Variants in CACNA1B observed in about 807,000 individuals in gnomAD.
CACNA1B encodes the protein calcium voltage-gated channel subunit alpha1 B.
A neutral mutation model predicts 247.2 loss-of-function variants in CACNA1B; 70 were observed. That is an observed-to-expected ratio of 0.28 (90% CI 0.23 to 0.35). The LOEUF is 0.35. Ranked by LOEUF, CACNA1B falls within the 10% of genes least tolerant of loss-of-function variation. The pLI, the probability that CACNA1B is intolerant of heterozygous loss-of-function variation, is 1.00. For synonymous variants in CACNA1B, 1,231 were observed against 1,294.4 expected (o/e 0.95, Z 1.05); for missense variants, 2,367 against 3,197.4 (o/e 0.74, Z 6.26).
intron 3 of CACNA1B, among the ~76,000 whole-genome samples, chr9:137,912,473 G>A (rs762895498): frequency 6.6e-6 from 1 of 152,220 alleles, no homozygotes; most frequent in Non-Finnish European, 1.5e-5. Flanking sequence ...AAGCTAATGA[G>A]AGAGCTCAAG....
Position 137,984,177 on chromosome 9 carries a change from A to T in CACNA1B, c.1696A>T (p.Ile566Phe). 6.2e-7 allele frequency: 1 copy of T among 1,604,398 alleles called. No homozygotes were observed. Among genetic ancestry groups the T allele is most frequent in the Non-Finnish European group, 8.5e-7 (1 of 1,175,898 alleles). ...CGTCTTTGAAGTGGTCTGGGCGGCC[A>T]TCAAGCCGGGAAGCTCCTTTGGGAT... ...GSVFEVVWAA[I>F]KPGSSFGISV... The change falls in exon 13 of 47, where the codon ATC (isoleucine) becomes TTC (phenylalanine). Residue 566 changes from isoleucine to phenylalanine, a missense_variant. Ile to Phe is a conservative substitution (Grantham distance 21). Around this residue, in one of 12 missense-constraint regions of CACNA1B, gnomAD observed 219 missense variants for 297.6 expected, o/e 0.74. Coordinates refer to ENST00000371372, the MANE Select transcript of CACNA1B (RefSeq NM_000718.4).
chr9:137,956,958 T>G, intron 9 of CACNA1B, 131 bp downstream of exon 9: 2 of 720,670 alleles, frequency 2.8e-6, no homozygotes, highest in Non-Finnish European at 4.9e-6. Context: ...AGCCATCACA[T>G]GAACACAGAC....
chr9:138,083,512 G>T (rs62580956), intron 36 of CACNA1B, among the ~76,000 whole-genome samples: 1 of 150,280 alleles, frequency 6.7e-6, no homozygotes, highest in Non-Finnish European at 1.5e-5. Flanking sequence ...GAAATGGTGC[G>T]TTGGCCACCC....
chr9:137,897,915 T>C (rs1957190495), intron 3 of CACNA1B, among the ~76,000 whole-genome samples: 1 of 152,210 alleles, frequency 6.6e-6, no homozygotes, highest in East Asian at 1.9e-4. Flanking sequence ...ACTCTTTCCA[T>C]TTTTCTATCT....
In CACNA1B at chr9:138,094,462, A is replaced by T. The variant is rs1960991792; in HGVS notation, c.5095-2022A>T. On this transcript the variant is annotated intron_variant, in intron 36 of 46. Coordinates refer to ENST00000371372, the MANE Select transcript of CACNA1B (RefSeq NM_000718.4). ...TACAGTAAAAAAAAAAAAAAAAAGA[A>T]GAAGAAGAAGAAAGTGAACACTCAA... Among the ~76,000 whole-genome samples the T allele has an allele frequency of 2.6e-5, 4 of 151,218 alleles. No homozygotes were observed. The South Asian group carries it at 6.3e-4, about 24-fold the overall frequency.
intron 20 of CACNA1B, among the ~76,000 whole-genome samples, chr9:138,026,026 A>G (rs1313971553): frequency 6.6e-6 from 1 of 152,192 alleles, no homozygotes; most frequent in Admixed American, 6.5e-5. Flanking sequence ...ATGTTTGCAG[A>G]CGGATCTCCA....
chr9:138,041,046 C>T (rs2037988692), intron 20 of CACNA1B, among the ~76,000 whole-genome samples: 1 of 152,178 alleles, frequency 6.6e-6, no homozygotes, highest in Non-Finnish European at 1.5e-5. Context: ...TCTTGGGAAA[C>T]AATAGCTTAA....
intron 11 of CACNA1B, among the ~76,000 whole-genome samples, chr9:137,972,666 G>A (rs534480475): frequency 1.3e-5 from 2 of 152,336 alleles, no homozygotes; most frequent in South Asian, 4.1e-4. Flanking sequence ...TCCACAGTGG[G>A]AGAGATGGGG....
chr9:138,087,384 C>CAAAAAAAAAAAAAAAAAAAAAA (rs58566171), intron 36 of CACNA1B, among the ~76,000 whole-genome samples: 21 of 52,560 alleles, frequency 4.0e-4, no homozygotes, highest in Non-Finnish European at 5.9e-4. Flanking sequence ...GACTCTGTCT[C>CAAAAAAAAAAAAAAAAAAAAAA]AAAAAAAAAA....
rs1281335125 is a variant in CACNA1B at position 137,986,718 on chromosome 9, G to T, written c.1902-64G>T. 1 of 1,438,304 alleles carries T rather than the reference G, an allele frequency of 7.0e-7. No individual in the cohort carries two copies. The highest frequency in any genetic ancestry group is 9.8e-7 in the Non-Finnish European group (1 of 1,020,390). The allele number at this position is 1,438,304 out of a possible 1,614,324, so 89.1% of individuals were successfully genotyped here. ...GCGAGCAGGTTGAGGCCACGCTGGA[G>T]CCTGCAGGCGCTGCCTCGCTGCTGA... On this transcript the variant is annotated intron_variant, in intron 14 of 46. Coordinates refer to ENST00000371372, the MANE Select transcript of CACNA1B (RefSeq NM_000718.4). The surrounding 1 kb of genome is among the most constrained non-coding windows in gnomAD (Gnocchi z 6.0).
At chr9:137,956,655 A>C in intron 8 of CACNA1B, 116 bp from the exon 9 acceptor site, 1 of 342,940 alleles carries the variant, frequency 2.9e-6, no homozygotes, top group Non-Finnish European at 4.6e-6. Flanking sequence ...CTCCATCTCA[A>C]AAAAAAAAAA....
Position 138,102,805 on chromosome 9 carries a change from A to G in CACNA1B, c.5317A>G (p.Lys1773Glu), listed in dbSNP as rs202193583. ...GAAATGCCCTGCTCGAGTTGCTTAC[A>G]AGGTAGACCCTGACCCTGCAACCCG... ...GKKCPARVAY[K>E]RLVRMNMPIS... Residue 1773 changes from lysine (K) to glutamate (E), a missense_variant and splice_region_variant, in exon 38 of 47, where the codon AAG becomes GAG. Physicochemically the swap from Lys to Glu is moderately conservative, Grantham distance 56. Around this residue, in one of 12 missense-constraint regions of CACNA1B, gnomAD observed 55 missense variants for 107.8 expected, o/e 0.51. Coordinates refer to ENST00000371372, the MANE Select transcript of CACNA1B (RefSeq NM_000718.4). The surrounding 1 kb of genome is among the most constrained non-coding windows in gnomAD (Gnocchi z 5.4). 1 of 1,605,296 alleles carries G rather than the reference A, an allele frequency of 6.2e-7. No homozygotes were observed. The highest frequency in any genetic ancestry group is 1.7e-5 in the Admixed American group (1 of 59,856).
chr9:138,049,892 G>A (rs1959222482), intron 24 of CACNA1B, among the ~76,000 whole-genome samples: 1 of 152,210 alleles, frequency 6.6e-6, no homozygotes, highest in Non-Finnish European at 1.5e-5. Context: ...CATTGTCGGG[G>A]GCTCAGCTAC....
intron 36 of CACNA1B, among the ~76,000 whole-genome samples, chr9:138,092,301 A>T (rs1394615797): frequency 6.6e-6 from 1 of 152,188 alleles, no homozygotes; most frequent in Non-Finnish European, 1.5e-5. Context: ...CGTCAACCAC[A>T]TAAGGCACAC....
At position 137,981,522 on chromosome 9, in the gene CACNA1B, G is replaced by T. The variant is rs192358854; in HGVS notation, c.1657-2616G>T. ...GTGTGTGTCTCGCTCTGTTGCCCAG[G>T]TTGGGGTGCAGTGGCACGATCTCGG... is the stretch of plus-strand genomic sequence containing the variant. On this transcript the variant is annotated intron_variant, in intron 12 of 46. Transcript: ENST00000371372. Among the ~76,000 whole-genome samples, 415 of 152,256 alleles carry T rather than the reference G, an allele frequency of 2.7e-3. 2 individuals are homozygous for T. Among genetic ancestry groups the T allele is most frequent in the African/African-American group, 9.6e-3 (397 of 41,544 alleles).
At chr9:138,056,963 T>C (rs1959526126) in intron 26 of CACNA1B, among the ~76,000 whole-genome samples, 1 of 124,866 alleles carries the variant, frequency 8.0e-6, no homozygotes. Flanking sequence ...TGAGACGGAG[T>C]CTCGCTCTGT....
chr9:137,969,883 C>G (rs114758033), intron 10 of CACNA1B, among the ~76,000 whole-genome samples: 1 of 152,312 alleles, frequency 6.6e-6, no homozygotes, highest in African/African-American at 2.4e-5. Flanking sequence ...TCCTGCCCTA[C>G]TGCTGCCTCT....
chr9:138,005,524 C>T (rs963072251), intron 15 of CACNA1B, among the ~76,000 whole-genome samples: 1 of 152,106 alleles, frequency 6.6e-6, no homozygotes, highest in Non-Finnish European at 1.5e-5. Context: ...ATAGAAGGAG[C>T]GAGTTCCTAG....
In CACNA1B at chr9:138,075,768, C is replaced by T. The variant is rs529719632; in HGVS notation, c.4858-51C>T. On this transcript the variant is annotated intron_variant, in intron 34 of 46. Coordinates refer to ENST00000371372, the MANE Select transcript of CACNA1B (RefSeq NM_000718.4). Reference sequence around the variant, plus strand: ...CCTCTCTGGCTCGGTCCACCTGGCGCGGCTCCTGCAGACCCAGCAGGGTCC... The same window carrying T: ...CCTCTCTGGCTCGGTCCACCTGGCGTGGCTCCTGCAGACCCAGCAGGGTCC... The T allele has an allele frequency of 3.8e-4, 472 of 1,245,854 alleles. 2 individuals carry two copies. The Middle Eastern group carries it at 4.1e-3, about 11-fold the overall frequency. 77.2% of individuals were successfully genotyped at this position (1,245,854 alleles called of 1,614,324 possible). A position where few individuals can be genotyped will look rare whatever the true frequency, so the allele number is the denominator to read the frequency against.
Sources: allele counts gnomAD v4.1 joint callset (sites outside exome capture counted in the v4.1 genomes callset), GRCh38; gene constraint gnomAD v4.1.1; regional missense constraint gnomAD v4.1.1; non-coding constraint Gnocchi (gnomAD v3.1); transcripts MANE v1.5; gene names NCBI Gene and HGNC (gene_info 2026-07-23, HGNC 2026-07-21).